Variants in SPPL3 observed in about 807,000 individuals in gnomAD.
SPPL3 encodes the protein signal peptide peptidase like 3, also known as signal peptide peptidase-like 3.
SPPL3 carries 5 observed loss-of-function variants against 42.4 expected under a neutral mutation model. The ratio of observed to expected loss-of-function variants is 0.12; its 90% CI spans 0.06 to 0.25. SPPL3 has a LOEUF of 0.25. Among genes scored for constraint, SPPL3 ranks in the 10% least tolerant of loss-of-function variants. SPPL3 has a pLI of 1.00. For missense variants in SPPL3, 235 were observed against 489.0 expected (o/e 0.48, Z 4.90); for synonymous variants, 195 against 181.8 (o/e 1.07, Z -0.58).
Position 120,767,521 on chromosome 12 carries a change from G to C in SPPL3, c.846C>G (p.Val282=). ...GCTTTTTGTAGTTGTCATAGCGAAG[G>C]ACAAAGCATAGTAGGAGACCAGGCA... The part of the protein sequence containing the change: ...IVMPGLLLCF[V]LRYDNYKKQA... The change falls in exon 9 of 11, where the codon GTC becomes GTG. Residue 282 remains valine, a synonymous_variant. Coordinates refer to ENST00000353487, the MANE Select transcript of SPPL3 (RefSeq NM_139015.5). 6.2e-7 allele frequency: 1 copy of C among 1,614,230 alleles called. No individual in the cohort carries two copies. The highest frequency in any genetic ancestry group is 8.5e-7 in the Non-Finnish European group (1 of 1,180,042).
intron 1 of SPPL3, among the ~76,000 whole-genome samples, chr12:120,843,125 CG>C (rs1245411412): frequency 1.3e-5 from 2 of 152,022 alleles, no homozygotes; most frequent in Non-Finnish European, 1.5e-5. Context: ...TCACAGTGAA[CG>C]GATCACAGTA....
At chr12:120,813,250 A>G (rs915877164) in intron 1 of SPPL3, among the ~76,000 whole-genome samples, 6 of 152,084 alleles carry the variant, frequency 3.9e-5, no homozygotes, top group African/African-American at 1.2e-4. Flanking sequence ...GTTGTAAAAA[A>G]TAAGACATAT....
chr12:120,814,522 T>C (rs1054386935), intron 1 of SPPL3, among the ~76,000 whole-genome samples: 2 of 152,220 alleles, frequency 1.3e-5, no homozygotes, highest in African/African-American at 2.4e-5. Flanking sequence ...TCTAAAATTA[T>C]GTTTCTTGCT....
At chr12:120,851,567 T>C (rs1872225785) in intron 1 of SPPL3, among the ~76,000 whole-genome samples, 1 of 152,124 alleles carries the variant, frequency 6.6e-6, no homozygotes, top group African/African-American at 2.4e-5. Context: ...AATCTTAGAA[T>C]CAGATGGGAC....
At chr12:120,840,371 T>C (rs1447294649) in intron 1 of SPPL3, among the ~76,000 whole-genome samples, 2 of 149,548 alleles carry the variant, frequency 1.3e-5, no homozygotes, top group Admixed American at 1.3e-4. Flanking sequence ...GTGAAAGAAG[T>C]CAGACACAAA....
chr12:120,896,836 T>C (rs1257222227), intron 1 of SPPL3, among the ~76,000 whole-genome samples: 2 of 151,254 alleles, frequency 1.3e-5, no homozygotes, highest in Non-Finnish European at 2.9e-5. Flanking sequence ...ATACATCACA[T>C]ACAATCAGTA....
chr12:120,858,504 A>C (rs1389979812), intron 1 of SPPL3, among the ~76,000 whole-genome samples: 1 of 151,968 alleles, frequency 6.6e-6, no homozygotes, highest in Non-Finnish European at 1.5e-5. Context: ...ATGACGAGGC[A>C]ACATAAATCT....
intron 1 of SPPL3, among the ~76,000 whole-genome samples, chr12:120,849,253 C>T (rs532011743): frequency 2.2e-4 from 34 of 152,150 alleles, no homozygotes; most frequent in Admixed American, 4.6e-4. Flanking sequence ...ACTCTCTTTC[C>T]CTCTAACAAA....
In SPPL3 at chr12:120,764,410, C is replaced by T. The variant is rs1183930160; in HGVS notation, c.*589G>A. ...GGACATGAACTCATTACAACAAATT[C>T]TTATGTGGATGTTGTAAGAAGTCAC... On this transcript the variant is annotated 3_prime_UTR_variant, in exon 11 of 11. Transcript: ENST00000353487. 1 of 153,414 alleles carries T rather than the reference C, an allele frequency of 6.5e-6. No individual in the cohort carries two copies. Among genetic ancestry groups the T allele is most frequent in the East Asian group, 1.9e-4 (1 of 5,214 alleles). 9.5% of individuals were successfully genotyped at this position (153,414 alleles called of 1,614,324 possible).
At chr12:120,850,531 T>TA (rs1412849183) in intron 1 of SPPL3, among the ~76,000 whole-genome samples, 1 of 150,306 alleles carries the variant, frequency 6.7e-6, no homozygotes, top group Admixed American at 6.6e-5. Context: ...CAAATGCTGC[T>TA]ATTCTGGATT....
chr12:120,796,014 T>C (rs984915849), intron 2 of SPPL3, among the ~76,000 whole-genome samples: 1 of 152,224 alleles, frequency 6.6e-6, no homozygotes, highest in African/African-American at 2.4e-5. Context: ...GTTAATCCCA[T>C]CCAGTGTATT....
chr12:120,807,265 T>C (rs967300735), intron 2 of SPPL3, among the ~76,000 whole-genome samples: 1 of 152,072 alleles, frequency 6.6e-6, no homozygotes, highest in Non-Finnish European at 1.5e-5. Context: ...AAAAAGACAA[T>C]GCGTTTCAGA....
intron 3 of SPPL3, among the ~76,000 whole-genome samples, chr12:120,789,794 C>T (rs528106735): frequency 1.6e-5 from 2 of 125,564 alleles, no homozygotes; most frequent in East Asian, 5.0e-4. Context: ...CATTGCACTC[C>T]AGCCTGAATG....
chr12:120,810,249 T>TG (rs1426655635), intron 2 of SPPL3, among the ~76,000 whole-genome samples: 31 of 152,190 alleles, frequency 2.0e-4, no homozygotes, highest in Admixed American at 3.3e-4. Flanking sequence ...CCCAAAGTGC[T>TG]GGGATTATAG....
chr12:120,776,753 A>G (rs1332065150), intron 6 of SPPL3, among the ~76,000 whole-genome samples: 1 of 152,172 alleles, frequency 6.6e-6, no homozygotes, highest in African/African-American at 2.4e-5. Context: ...CAAAACATGT[A>G]AATAGTATCA....
chr12:120,871,044 CG>C (rs901952331), intron 1 of SPPL3, among the ~76,000 whole-genome samples: 19 of 146,866 alleles, frequency 1.3e-4, no homozygotes, highest in African/African-American at 4.7e-4. Context: ...ACAGGAGAAT[CG>C]CTTGAACCCA....
intron 1 of SPPL3, among the ~76,000 whole-genome samples, chr12:120,878,599 T>G (rs1427128893): frequency 6.6e-6 from 1 of 152,218 alleles, no homozygotes; most frequent in Non-Finnish European, 1.5e-5. Flanking sequence ...AATCTTTCAT[T>G]TCCTATATCA....
chr12:120,894,687 T>C (rs1291873948), intron 1 of SPPL3, among the ~76,000 whole-genome samples: 2 of 152,322 alleles, frequency 1.3e-5, no homozygotes, highest in East Asian at 1.9e-4. Context: ...GGCTCATGCC[T>C]GTAATCCCAG....
intron 2 of SPPL3, among the ~76,000 whole-genome samples, chr12:120,798,319 A>G (rs1445408122): frequency 6.6e-6 from 1 of 152,234 alleles, no homozygotes; most frequent in Non-Finnish European, 1.5e-5. Flanking sequence ...ACATTAGCAG[A>G]GATTAAAACG....
Sources: gnomAD v4.1 joint callset for allele counts (sites outside exome capture counted in the v4.1 genomes callset) on GRCh38, gnomAD v4.1.1 for gene constraint, MANE v1.5 for transcripts, NCBI Gene and HGNC (gene_info 2026-07-23, HGNC 2026-07-21) for gene names.